ZW10: variants seen among roughly 807,000 people sequenced by gnomAD.
The protein encoded by ZW10 is centromere/kinetochore protein zw10 homolog.
Under a neutral mutation model 87.8 loss-of-function variants are expected in ZW10, and 53 were observed. The observed-to-expected ratio is 0.60, with a 90% CI of 0.48 to 0.76. The LOEUF (loss-of-function observed/expected upper bound fraction) is 0.76. Ranked by LOEUF, ZW10 falls within the 30% of genes least tolerant of loss-of-function variation. The pLI is 0.00. For synonymous variants in ZW10, 312 were observed against 329.2 expected (o/e 0.95, Z 0.57); for missense variants, 837 against 923.0 (o/e 0.91, Z 1.21).
intron 15 of ZW10, among the ~76,000 whole-genome samples, chr11:113,735,503 T>A (rs1953542050): frequency 6.6e-6 from 1 of 151,842 alleles, no homozygotes; most frequent in South Asian, 2.1e-4. Context: ...AGCAAACAAC[T>A]CAGACACATC....
intron 11 of ZW10, among the ~76,000 whole-genome samples, chr11:113,740,128 T>C (rs1309208926): frequency 2.6e-5 from 4 of 151,918 alleles, no homozygotes; most frequent in Non-Finnish European, 5.9e-5. Context: ...GCCAACAAAC[T>C]AAGATAACTA....
chr11:113,737,140 T>C (rs572466034), intron 14 of ZW10, among the ~76,000 whole-genome samples: 65 of 152,332 alleles, frequency 4.3e-4, no homozygotes, highest in African/African-American at 1.5e-3. Flanking sequence ...CAATCTATGA[T>C]TTAGAGGCAT....
intron 2 of ZW10, 31 bp downstream of exon 2, chr11:113,768,801 CA>C (rs749028054): frequency 1.1e-5 from 17 of 1,609,438 alleles, no homozygotes; most frequent in Non-Finnish European, 1.4e-5. Flanking sequence ...CACCTCCCTA[CA>C]AACCTACCCA....
At chr11:113,761,068 T>C in intron 2 of ZW10, 150 bp from the exon 3 acceptor site, 1 of 654,718 alleles carries the variant, frequency 1.5e-6, no homozygotes, top group Non-Finnish European at 2.6e-6. Context: ...TCACAGAATG[T>C]AGTAGGAAGA....
At chr11:113,768,003 A>G (rs1953925903) in intron 2 of ZW10, among the ~76,000 whole-genome samples, 1 of 152,096 alleles carries the variant, frequency 6.6e-6, no homozygotes, top group African/African-American at 2.4e-5. Context: ...TCCTCTCTCT[A>G]ACTGTATTAC....
intron 2 of ZW10, 92 bp downstream of exon 2, chr11:113,768,741 T>C (rs1953931932): frequency 7.4e-7 from 1 of 1,351,284 alleles, no homozygotes; most frequent in Non-Finnish European, 1.0e-6. Context: ...AAAGTGAGGG[T>C]TTAAAAAGTT....
intron 14 of ZW10, among the ~76,000 whole-genome samples, 177 bp from the exon 15 acceptor site, chr11:113,736,999 G>A (rs1048114817): frequency 6.6e-6 from 1 of 152,176 alleles, no homozygotes; most frequent in African/African-American, 2.4e-5. Flanking sequence ...TTCTATATAA[G>A]AATGACACAA....
rs756082967 is a variant in ZW10 at position 113,736,697 on chromosome 11, T to G, written c.2142A>C (p.Pro714=). The G allele has an allele frequency of 1.9e-6, 3 of 1,614,248 alleles. No individual in the cohort carries two copies. Among genetic ancestry groups the G allele is most frequent in the Admixed American group, 3.3e-5 (2 of 60,030 alleles). ...ATGGCATCCATTTTGGCACATAGACTGGAACCTCTTCTTGATATTTCTTGT... is the reference window on the plus strand; with the variant it reads ...ATGGCATCCATTTTGGCACATAGACGGGAACCTCTTCTTGATATTTCTTGT... ...SKNKKYQEEV[P]VYVPKWMPFK... is the part of the protein sequence containing the mutation. The change falls in exon 15 of 16, where the codon CCA becomes CCC. Residue 714 remains proline, a synonymous_variant. Transcript: ENST00000200135.
At chr11:113,751,977 AT>A (rs1264252694) in intron 7 of ZW10, among the ~76,000 whole-genome samples, 3 of 152,230 alleles carry the variant, frequency 2.0e-5, no homozygotes, top group Non-Finnish European at 2.9e-5. Flanking sequence ...AAAAAGTTTA[AT>A]GAACATTGTT....
chr11:113,748,175 A>C (rs1411360876), intron 8 of ZW10, 82 bp downstream of exon 8: 1 of 1,342,580 alleles, frequency 7.4e-7, no homozygotes, highest in Non-Finnish European at 1.0e-6. Flanking sequence ...ACTAAAGAAC[A>C]AACTATCTCC....
chr11:113,740,843 G>A (rs868136002), intron 11 of ZW10, among the ~76,000 whole-genome samples: 4 of 152,132 alleles, frequency 2.6e-5, no homozygotes, highest in Admixed American at 6.5e-5. Context: ...CTAAAGTTCC[G>A]AGGTTATACG....
In ZW10 at chr11:113,743,670, T is replaced by C. The variant is rs1953648202; in HGVS notation, c.1511+132A>G. ...ACTGGGTTTTTGTTTTGTTTTGTTT[T>C]GTTTCCAGAAAAAGCATTAACTTCT... is the stretch of plus-strand genomic sequence containing the variant. On this transcript the variant is annotated intron_variant, in intron 10 of 15. Transcript: ENST00000200135. The C allele has an allele frequency of 9.2e-6, 7 of 757,834 alleles. No individual in the cohort carries two copies. The East Asian group carries it at 1.7e-4, about 19-fold the overall frequency. 46.9% of individuals were successfully genotyped at this position (757,834 alleles called of 1,614,324 possible).
rs759360460 is a variant in ZW10 at position 113,773,599 on chromosome 11, C to T, written c.68G>A (p.Arg23Gln). 1.8e-5 allele frequency: 29 copies of T among 1,613,820 alleles called. No homozygotes were observed. In the South Asian group the frequency reaches 2.3e-4, roughly 13 times the overall value. The change falls in exon 1 of 16, where the codon CGG becomes CAG. Residue 23 changes from arginine to glutamine, a missense_variant. By Grantham distance (43) the Arg-to-Gln change is conservative. Transcript: ENST00000200135. ...CACCCGCCGGGTCAGGCGGCTGATC[C>T]GGGTCCCCAGATCCTCCTTTTCCAG... ...GRLEKEDLGT[R>Q]ISRLTRRVEE... is the part of the protein sequence containing the mutation.
In ZW10 at chr11:113,760,578, T is replaced by A. The variant is rs771093818; in HGVS notation, c.355A>T (p.Ile119Phe). Reference protein sequence around the residue: ...LKQLQEFSTAIEEYNCALTEK... With the variant: ...LKQLQEFSTAFEEYNCALTEK... ...GTTAATGCACAATTATATTCTTCAA[T>A]AGCAGTGGAAAACTGAAAAGTTAAG... The change falls in exon 4 of 16, where the codon ATT becomes TTT. Residue 119 changes from isoleucine to phenylalanine, a missense_variant. Physicochemically the swap from Ile to Phe is conservative, Grantham distance 21 (BLOSUM62 0). Transcript: ENST00000200135. 24 of 1,612,222 alleles carry A rather than the reference T, an allele frequency of 1.5e-5. No homozygotes were observed. In the South Asian group the frequency reaches 2.1e-4, roughly 14 times the overall value.
chr11:113,744,543 G>A (rs542905941), intron 9 of ZW10, among the ~76,000 whole-genome samples: 1 of 152,268 alleles, frequency 6.6e-6, no homozygotes, highest in African/African-American at 2.4e-5. Flanking sequence ...ATGAAAGCAT[G>A]TCATAAGTGA....
At chr11:113,765,673 A>G (rs1953901620) in intron 2 of ZW10, among the ~76,000 whole-genome samples, 1 of 152,192 alleles carries the variant, frequency 6.6e-6, no homozygotes, top group Non-Finnish European at 1.5e-5. Context: ...GAGATCCTGC[A>G]TTTCTAATAA....
chr11:113,751,869 CA>C (rs1022696288), intron 7 of ZW10, among the ~76,000 whole-genome samples: 232 of 132,080 alleles, frequency 1.8e-3, no homozygotes, highest in Middle Eastern at 3.8e-3. Flanking sequence ...GACTCCATCT[CA>C]AAAAAAAAAA....
chr11:113,763,496 G>T (rs140045520), intron 2 of ZW10, among the ~76,000 whole-genome samples: 1 of 152,098 alleles, frequency 6.6e-6, no homozygotes, highest in Admixed American at 6.5e-5. Flanking sequence ...GTGTAAAAAC[G>T]TTCCTATTTC....
intron 2 of ZW10, among the ~76,000 whole-genome samples, chr11:113,761,713 T>G (rs1283995747): frequency 2.0e-5 from 3 of 152,200 alleles, no homozygotes; most frequent in Non-Finnish European, 4.4e-5. Context: ...CATTCATTTG[T>G]GAAATATATA....
Sources: allele counts gnomAD v4.1 joint callset (sites outside exome capture counted in the v4.1 genomes callset), GRCh38; gene constraint gnomAD v4.1.1; transcripts MANE v1.5; gene names NCBI Gene and HGNC (gene_info 2026-07-23, HGNC 2026-07-21).